The following GABRB3 variants were observed in gnomAD, a reference collection of about 807,000 sequenced individuals.
GABRB3 encodes the protein gamma-aminobutyric acid receptor subunit beta-3.
A neutral mutation model predicts 52.1 loss-of-function variants in GABRB3; 14 were observed. The ratio of observed to expected loss-of-function variants is 0.27; its 90% confidence interval spans 0.18 to 0.42. The LOEUF is 0.42. GABRB3 is among the 10% of genes least tolerant of loss of function. The pLI is 1.00. For missense variants in GABRB3, 307 were observed against 609.1 expected (o/e 0.50, Z 5.22); for synonymous variants, 260 against 232.3 (o/e 1.12, Z -1.08).
chr15:26,608,520 G>A (rs1891927374), intron 4 of GABRB3, among the ~76,000 whole-genome samples: 1 of 151,940 alleles, frequency 6.6e-6, no homozygotes, highest in African/African-American at 2.4e-5. Flanking sequence ...CCAACAGACT[G>A]GAAGACATAT....
chr15:26,676,389 C>T (rs1888070342), intron 3 of GABRB3, among the ~76,000 whole-genome samples: 1 of 152,078 alleles, frequency 6.6e-6, no homozygotes, highest in Non-Finnish European at 1.5e-5. Flanking sequence ...TGAGAGTGGA[C>T]CAACAAGGAG....
intron 6 of GABRB3, among the ~76,000 whole-genome samples, chr15:26,568,343 GC>G (rs1468223679): frequency 1.3e-5 from 2 of 152,116 alleles, no homozygotes; most frequent in Non-Finnish European, 2.9e-5. Flanking sequence ...CTGCCTTCTT[GC>G]CCATGAGTCC....
At chr15:26,551,575 C>T (rs1889465153) in intron 8 of GABRB3, among the ~76,000 whole-genome samples, 1 of 152,194 alleles carries the variant, frequency 6.6e-6, no homozygotes, top group Non-Finnish European at 1.5e-5. Context: ...CCACCCCGGC[C>T]CATGCACTCC....
intron 3 of GABRB3, among the ~76,000 whole-genome samples, chr15:26,633,283 A>AGCTACAGT (rs2140561262): frequency 6.6e-6 from 1 of 152,314 alleles, no homozygotes; most frequent in African/African-American, 2.4e-5. Context: ...TTTATAAAAG[A>AGCTACAGT]GCTACAGTGC....
In GABRB3 at chr15:26,651,271, G is replaced by A. The variant is rs377347259; in HGVS notation, c.241-29737C>T. 5.1e-4 allele frequency among the ~76,000 whole-genome samples: 77 copies of A among 152,324 alleles called. No individual in the cohort carries two copies. The East Asian group carries it at 5.2e-3, about 10-fold the overall frequency. ...GAGGAGCTGACTGGATCCCTCACCC[G>A]CTTGTTCACACACTCCCTCCCACAA... On this transcript the variant is annotated intron_variant, in intron 3 of 8. Transcript: ENST00000311550.
chr15:26,772,580 C>T, intron 2 of GABRB3, 101 bp downstream of exon 2: 1 of 1,441,412 alleles, frequency 6.9e-7, no homozygotes, highest in South Asian at 1.3e-5. Context: ...CCCCCACTCC[C>T]ACCCGCCGCT....
At chr15:26,769,003 T>G (rs1163994557) in intron 3 of GABRB3, among the ~76,000 whole-genome samples, 2 of 152,226 alleles carry the variant, frequency 1.3e-5, no homozygotes, top group African/African-American at 2.4e-5. Context: ...CTGATCTATA[T>G]ATGTGTTTAT....
At position 26,688,866 on chromosome 15, in the gene GABRB3, T is replaced by C. The variant is rs146803719; in HGVS notation, c.241-67332A>G. ...GCTGTCTTAGGAGTGGCTAAGCTGT[T>C]GACAGGACTGTAAAGCACAAATCTG... On this transcript the variant is annotated intron_variant, in intron 3 of 8. Transcript: ENST00000311550. Among the ~76,000 whole-genome samples the C allele has an allele frequency of 3.4e-3, 521 of 152,352 alleles. 4 individuals are homozygous for C. Among genetic ancestry groups the C allele is most frequent in the African/African-American group, 0.011 (467 of 41,580 alleles).
At chr15:26,732,564 C>A (rs1433578977) in intron 3 of GABRB3, among the ~76,000 whole-genome samples, 2 of 142,196 alleles carry the variant, frequency 1.4e-5, no homozygotes, top group East Asian at 2.0e-4. Flanking sequence ...CCCTTTCTCC[C>A]AAAAAAATTT....
intron 3 of GABRB3, chr15:26,629,256 AGAGG>A (rs1892838506): frequency 8.1e-7 from 1 of 1,228,800 alleles, no homozygotes; most frequent in Non-Finnish European, 1.1e-6. Context: ...CTTGGCCCCG[AGAGG>A]GAGGAGGCGT....
chr15:26,616,172 T>C (rs978334853), intron 4 of GABRB3: 14 of 986,648 alleles, frequency 1.4e-5, no homozygotes, highest in Non-Finnish European at 2.0e-5. Flanking sequence ...GGAGGGAAGG[T>C]GGGCCTTGGG....
chr15:26,554,041 T>TTATATATATATATATATATATATATTTA (rs1555400774), intron 8 of GABRB3, among the ~76,000 whole-genome samples: 1 of 62,106 alleles, frequency 1.6e-5, no homozygotes, highest in Non-Finnish European at 3.2e-5. Flanking sequence ...ATATATTTAT[T>TTATATATATATATATATATATATATTTA]TATTTATATT....
chr15:26,628,680 A>AAC (rs1481731784), intron 3 of GABRB3, among the ~76,000 whole-genome samples: 1 of 145,068 alleles, frequency 6.9e-6, no homozygotes, highest in Non-Finnish European at 1.5e-5. Context: ...TCGCAAAAAA[A>AAC]ACAAAAAAAC....
chr15:26,659,537 T>C (rs529929910), intron 3 of GABRB3, among the ~76,000 whole-genome samples: 29 of 151,788 alleles, frequency 1.9e-4, no homozygotes, highest in African/African-American at 7.0e-4. Context: ...AATAAATAAA[T>C]AAGTAAATAA....
intron 3 of GABRB3, among the ~76,000 whole-genome samples, chr15:26,695,765 G>C (rs566122117): frequency 3.3e-4 from 51 of 152,250 alleles, no homozygotes; most frequent in African/African-American, 1.2e-3. Flanking sequence ...CAATGAGTTT[G>C]GTGACTACAG....
chr15:26,575,819 A>G (rs1051905121), intron 6 of GABRB3, among the ~76,000 whole-genome samples: 2 of 152,216 alleles, frequency 1.3e-5, no homozygotes, highest in African/African-American at 2.4e-5. Flanking sequence ...AATCTTAGCC[A>G]AAGTATTTTG....
At chr15:26,726,354 A>G (rs1889770512) in intron 3 of GABRB3, among the ~76,000 whole-genome samples, 1 of 152,244 alleles carries the variant, frequency 6.6e-6, no homozygotes, top group Admixed American at 6.5e-5. Flanking sequence ...TAACTGCAGT[A>G]AAATGATCAA....
At chr15:26,609,295 G>C (rs1473984866) in intron 4 of GABRB3, among the ~76,000 whole-genome samples, 2 of 152,044 alleles carry the variant, frequency 1.3e-5, no homozygotes, top group Admixed American at 6.6e-5. Context: ...ACTCATATAA[G>C]CAGAGAACAG....
At chr15:26,654,450 A>G (rs1433097761) in intron 3 of GABRB3, among the ~76,000 whole-genome samples, 2 of 151,214 alleles carry the variant, frequency 1.3e-5, no homozygotes, top group Non-Finnish European at 2.9e-5. Flanking sequence ...CCAGCCAACA[A>G]AGGTGCTCTT....
Sources: allele counts gnomAD v4.1 joint callset (sites outside exome capture counted in the v4.1 genomes callset), GRCh38; gene constraint gnomAD v4.1.1; transcripts MANE v1.5; gene names NCBI Gene and HGNC (gene_info 2026-07-23, HGNC 2026-07-21).